The following ANKS1B variants were observed in gnomAD, a reference collection of about 807,000 sequenced individuals.
ANKS1B encodes ankyrin repeat and sterile alpha motif domain containing 1B.
Under a neutral mutation model 148.3 loss-of-function variants are expected in ANKS1B, and 36 were observed. The observed-to-expected ratio is 0.24, with a 90% CI of 0.19 to 0.32. The LOEUF (loss-of-function observed/expected upper bound fraction) is 0.32, where lower values mean the gene tolerates loss of function less well. Ranked by LOEUF, ANKS1B falls within the 10% of genes least tolerant of loss-of-function variation. The pLI is 1.00. For missense variants in ANKS1B, 1,157 were observed against 1,542.6 expected (o/e 0.75, Z 4.19); for synonymous variants, 542 against 560.8 (o/e 0.97, Z 0.47).
chr12:98,904,553 A>G (rs1233333447), intron 17 of ANKS1B, among the ~76,000 whole-genome samples: 1 of 152,250 alleles, frequency 6.6e-6, no homozygotes, highest in Non-Finnish European at 1.5e-5. Context: ...TAATCACATG[A>G]GTGCAAGTCA....
chr12:99,102,134 C>T (rs896029103), intron 15 of ANKS1B, among the ~76,000 whole-genome samples: 3 of 152,176 alleles, frequency 2.0e-5, no homozygotes, highest in Non-Finnish European at 2.9e-5. Flanking sequence ...AAGAGGGTAA[C>T]GAGTTTCATG....
intron 12 of ANKS1B, among the ~76,000 whole-genome samples, chr12:99,296,825 G>C (rs2080937963): frequency 1.3e-5 from 2 of 152,080 alleles, no homozygotes; most frequent in African/African-American, 4.8e-5. Context: ...TTTAAGTAAA[G>C]ATTCAACTAG....
At chr12:99,936,188 G>A (rs752382778) in intron 1 of ANKS1B, among the ~76,000 whole-genome samples, 25 of 152,128 alleles carry the variant, frequency 1.6e-4, no homozygotes, top group Non-Finnish European at 2.9e-4. Flanking sequence ...TGGGGACATG[G>A]AGCCAAACCA....
In ANKS1B at chr12:99,678,546, G is replaced by T. The variant is rs183889991; in HGVS notation, c.1129-23336C>A. The stretch of plus-strand genomic sequence containing the variant: ...GCAAGGAGAGAAAATTCTCCTACCT[G>T]TTTACTAAGAGAGCCCAAGTGTCCC... On this transcript the variant is annotated intron_variant, in intron 8 of 26. Coordinates refer to ENST00000683438, the MANE Select transcript of ANKS1B (RefSeq NM_001352186.2). Among the ~76,000 whole-genome samples the T allele has an allele frequency of 3.4e-3, 521 of 152,246 alleles. 2 individuals carry two copies. Among genetic ancestry groups the T allele is most frequent in the South Asian group, 0.018 (89 of 4,822 alleles).
intron 10 of ANKS1B, among the ~76,000 whole-genome samples, chr12:99,473,034 C>A (rs545089301): frequency 3.3e-5 from 5 of 152,078 alleles, no homozygotes; most frequent in African/African-American, 1.2e-4. Flanking sequence ...ATTACAGATA[C>A]TTTTAAAATC....
chr12:99,405,889 T>C (rs1286891256), intron 11 of ANKS1B, among the ~76,000 whole-genome samples: 1 of 145,582 alleles, frequency 6.9e-6, no homozygotes, highest in Non-Finnish European at 1.5e-5. Context: ...CAGTCGTAGC[T>C]ATACTGATAT....
chr12:99,947,228 A>C (rs1483036877), intron 1 of ANKS1B, among the ~76,000 whole-genome samples: 1 of 142,190 alleles, frequency 7.0e-6, no homozygotes. Flanking sequence ...AGCACTGGGG[A>C]GGGGGATACA....
rs528048178 is a variant in ANKS1B at position 99,702,639 on chromosome 12, C to T, written c.1129-47429G>A. ...CTCACTGCAGCCTCAACTTCCCAAG[C>T]TCAAGCAATCCTCCCACTTCAGCCT... On this transcript the variant is annotated intron_variant, in intron 8 of 26. Coordinates refer to ENST00000683438, the MANE Select transcript of ANKS1B (RefSeq NM_001352186.2). Among the ~76,000 whole-genome samples the T allele has an allele frequency of 1.1e-3, 174 of 152,046 alleles. 3 individuals are homozygous for T. Among genetic ancestry groups the T allele is most frequent in the African/African-American group, 4.1e-3 (172 of 41,498 alleles).
chr12:99,745,878 A>AT (rs1380700041), intron 8 of ANKS1B, among the ~76,000 whole-genome samples: 1 of 152,034 alleles, frequency 6.6e-6, no homozygotes, highest in East Asian at 1.9e-4. Flanking sequence ...ATATTTTCTT[A>AT]TTTTTAAAAT....
chr12:99,630,762 C>T (rs936093970), intron 9 of ANKS1B, among the ~76,000 whole-genome samples: 2 of 152,170 alleles, frequency 1.3e-5, no homozygotes, highest in East Asian at 1.9e-4. Flanking sequence ...CTGTGTGATG[C>T]CCCGCGTTGC....
At chr12:99,954,055 T>G (rs145290290) in intron 1 of ANKS1B, among the ~76,000 whole-genome samples, 129 of 152,274 alleles carry the variant, frequency 8.5e-4, no homozygotes, top group Non-Finnish European at 1.7e-3. Flanking sequence ...TGGGAGACTC[T>G]AAACAAAATA....
chr12:99,738,725 C>A (rs1302952098), intron 8 of ANKS1B, among the ~76,000 whole-genome samples: 1 of 152,250 alleles, frequency 6.6e-6, no homozygotes, highest in Non-Finnish European at 1.5e-5. Context: ...GCCAACAGAA[C>A]TTTATTGAAG....
At chr12:99,171,813 G>C (rs2077794242) in intron 14 of ANKS1B, among the ~76,000 whole-genome samples, 2 of 152,120 alleles carry the variant, frequency 1.3e-5, no homozygotes, top group South Asian at 4.1e-4. Flanking sequence ...AATCCCCATT[G>C]AGAAGAAGGT....
chr12:99,151,282 C>T (rs902490980), intron 15 of ANKS1B, among the ~76,000 whole-genome samples: 9 of 152,090 alleles, frequency 5.9e-5, no homozygotes, highest in Non-Finnish European at 1.2e-4. Flanking sequence ...AATCTCAGCA[C>T]TTTGGGAGGC....
At chr12:99,540,378 G>A (rs12319434) in intron 9 of ANKS1B, among the ~76,000 whole-genome samples, 1,986 of 152,178 alleles carry the variant, frequency 0.013, 45 homozygotes, top group African/African-American at 0.045. Context: ...TTAAGTACAC[G>A]TGAAACATCC....
chr12:99,502,864 C>G (rs2096669273), intron 10 of ANKS1B, among the ~76,000 whole-genome samples: 2 of 152,174 alleles, frequency 1.3e-5, no homozygotes, highest in South Asian at 2.1e-4. Flanking sequence ...AGCCTCAGTA[C>G]TGCTCAAAAA....
chr12:99,280,495 T>C (rs2078271796), intron 12 of ANKS1B, among the ~76,000 whole-genome samples: 1 of 152,208 alleles, frequency 6.6e-6, no homozygotes, highest in South Asian at 2.1e-4. Flanking sequence ...ACATTTTATG[T>C]TAACCTGATG....
chr12:98,743,175 G>A (rs1332596140), downstream of ANKS1B, among the ~76,000 whole-genome samples: 2 of 152,056 alleles, frequency 1.3e-5, no homozygotes, highest in African/African-American at 2.4e-5. Flanking sequence ...ATTTGGCCAC[G>A]TGTTCCTTTA....
intron 9 of ANKS1B, among the ~76,000 whole-genome samples, chr12:99,640,505 C>T (rs912118332): frequency 9.2e-5 from 14 of 152,134 alleles, no homozygotes; most frequent in Non-Finnish European, 1.0e-4. Context: ...AGGATGAGTT[C>T]AACCGTCTCT....
Sources: gnomAD v4.1 joint callset for allele counts (sites outside exome capture counted in the v4.1 genomes callset) on GRCh38, gnomAD v4.1.1 for gene constraint, MANE v1.5 for transcripts, NCBI Gene and HGNC (gene_info 2026-07-23, HGNC 2026-07-21) for gene names.